The following KIF16B variants were observed in gnomAD, a reference collection of about 807,000 sequenced individuals.
KIF16B encodes the protein kinesin-like protein KIF16B.
Under a neutral mutation model 156.3 loss-of-function variants are expected in KIF16B, and 98 were observed. That is an observed-to-expected ratio of 0.63 (90% CI 0.53 to 0.74). The LOEUF is 0.74. KIF16B is among the 30% of genes least tolerant of loss of function. The probability of loss-of-function intolerance (pLI) is 0.00; values close to 1 mark genes in which losing one functional copy is unlikely to be tolerated. For missense variants in KIF16B, 1,421 were observed against 1,606.5 expected, an observed-to-expected ratio of 0.88 and a Z score of 1.97; for synonymous variants, 564 against 583.7, an observed-to-expected ratio of 0.97 and a Z score of 0.49.
chr20:16,486,074 C>T (rs998299669), intron 12 of KIF16B, among the ~76,000 whole-genome samples: 3 of 151,970 alleles, frequency 2.0e-5, no homozygotes, highest in African/African-American at 4.8e-5. Flanking sequence ...ATTTTAGGCC[C>T]GTTTTGTTAG....
chr20:16,551,783 T>C (rs779622409), intron 1 of KIF16B, among the ~76,000 whole-genome samples: 1 of 152,152 alleles, frequency 6.6e-6, no homozygotes, highest in Non-Finnish European at 1.5e-5. Context: ...AACACAGGCC[T>C]GGCCTCATTT....
intron 12 of KIF16B, among the ~76,000 whole-genome samples, chr20:16,441,227 T>C (rs1226068431): frequency 6.6e-6 from 1 of 152,178 alleles, no homozygotes; most frequent in Non-Finnish European, 1.5e-5. Flanking sequence ...AGTCTGACAT[T>C]GGCCTTACAC....
intron 22 of KIF16B, among the ~76,000 whole-genome samples, chr20:16,360,598 A>T (rs2064533079): frequency 6.6e-6 from 1 of 152,260 alleles, no homozygotes; most frequent in African/African-American, 2.4e-5. Context: ...TAAAAAGTCA[A>T]GAAAAAGTAG....
At chr20:16,314,306 T>A (rs1487590448) in intron 24 of KIF16B, among the ~76,000 whole-genome samples, 2 of 152,222 alleles carry the variant, frequency 1.3e-5, no homozygotes, top group African/African-American at 4.8e-5. Context: ...TAATTCTCCC[T>A]TTTCACTCTC....
chr20:16,334,964 C>G (rs1384753818), intron 24 of KIF16B, among the ~76,000 whole-genome samples: 1 of 152,120 alleles, frequency 6.6e-6, no homozygotes, highest in Non-Finnish European at 1.5e-5. Context: ...CTTCTATACA[C>G]CAGGGAACTA....
intron 17 of KIF16B, among the ~76,000 whole-genome samples, chr20:16,403,327 G>A (rs2065702615): frequency 6.6e-6 from 1 of 152,112 alleles, no homozygotes; most frequent in South Asian, 2.1e-4. Context: ...TTCCATCTTG[G>A]TCACAATAAA....
intron 25 of KIF16B, among the ~76,000 whole-genome samples, chr20:16,301,802 A>T (rs112433072): frequency 0.017 from 2,550 of 152,124 alleles, 50 homozygotes; most frequent in African/African-American, 0.043. Flanking sequence ...GGCATGCACC[A>T]CTACACCCGG....
intron 1 of KIF16B, among the ~76,000 whole-genome samples, chr20:16,533,331 G>C (rs765904097): frequency 2.0e-5 from 3 of 152,168 alleles, no homozygotes; most frequent in Non-Finnish European, 4.4e-5. Flanking sequence ...CTCCAGGGAA[G>C]CTTGACAGAA....
chr20:16,476,180 A>G (rs1335563601), intron 12 of KIF16B, among the ~76,000 whole-genome samples: 1 of 152,232 alleles, frequency 6.6e-6, no homozygotes, highest in Non-Finnish European at 1.5e-5. Flanking sequence ...ACTAAAACGC[A>G]GTCTGTAGAA....
intron 15 of KIF16B, among the ~76,000 whole-genome samples, chr20:16,420,027 G>A (rs1012904): frequency 0.48 from 72,827 of 151,888 alleles, 18,189 homozygotes; most frequent in East Asian, 0.76. Flanking sequence ...GAATCACAGT[G>A]TGGAATGAGG....
intron 17 of KIF16B, among the ~76,000 whole-genome samples, chr20:16,392,033 G>C (rs992254969): frequency 5.9e-5 from 9 of 152,200 alleles, no homozygotes; most frequent in Non-Finnish European, 1.2e-4. Context: ...TTTGCCGTAA[G>C]AAATAACTTT....
At chr20:16,367,742 C>T (rs758160674) in intron 22 of KIF16B, 1 of 1,612,460 alleles carries the variant, frequency 6.2e-7, no homozygotes, top group Non-Finnish European at 8.5e-7. Context: ...GAAAGCTGAA[C>T]CAGATCTTGC....
chr20:16,361,025 T>C (rs575920954), intron 22 of KIF16B, among the ~76,000 whole-genome samples: 3 of 152,350 alleles, frequency 2.0e-5, no homozygotes, highest in African/African-American at 7.2e-5. Context: ...TGACAAGGTC[T>C]GGCCTAAGGA....
At chr20:16,322,501 C>T (rs1343733286) in intron 24 of KIF16B, among the ~76,000 whole-genome samples, 1 of 151,884 alleles carries the variant, frequency 6.6e-6, no homozygotes, top group Non-Finnish European at 1.5e-5. Flanking sequence ...ATTATGAAAG[C>T]GTTGAGTATC....
intron 10 of KIF16B, among the ~76,000 whole-genome samples, chr20:16,498,801 T>C (rs1003476786): frequency 1.3e-5 from 2 of 152,020 alleles, no homozygotes; most frequent in African/African-American, 2.4e-5. Flanking sequence ...TCTATACGTA[T>C]GGTTTTTATT....
intron 19 of KIF16B, 25 bp from the exon 20 acceptor site, chr20:16,374,434 T>A: frequency 6.7e-7 from 1 of 1,492,352 alleles, no homozygotes; most frequent in Non-Finnish European, 9.0e-7. Flanking sequence ...GCCACATAAT[T>A]CATTCATTAA....
At chr20:16,371,790 T>C in intron 20 of KIF16B, 29 bp from the exon 21 acceptor site, 1 of 1,471,492 alleles carries the variant, frequency 6.8e-7, no homozygotes, top group South Asian at 1.1e-5. Flanking sequence ...GGAGTAGATC[T>C]GACACTTCTA....
chr20:16,465,997 G>C lies in KIF16B; in HGVS notation c.1302+28294C>G, dbSNP rs543254326. 3.2e-4 allele frequency among the ~76,000 whole-genome samples: 48 copies of C among 152,204 alleles called. No individual in the cohort carries two copies. In the South Asian group the frequency reaches 8.5e-3, roughly 27 times the overall value. On this transcript the variant is annotated intron_variant, in intron 12 of 25. Transcript: ENST00000354981. ...ATGCAATAGTGATCCAAATACAAAG[G>C]GTGATGTCTAACCACCACAGATTTT...
chr20:16,494,090 C>A (rs1357611366), intron 12 of KIF16B, among the ~76,000 whole-genome samples: 2 of 152,068 alleles, frequency 1.3e-5, no homozygotes, highest in Non-Finnish European at 2.9e-5. Context: ...TTAAAACACA[C>A]AGCTATAATA....
Sources: allele counts gnomAD v4.1 joint callset (sites outside exome capture counted in the v4.1 genomes callset), GRCh38; gene constraint gnomAD v4.1.1; transcripts MANE v1.5; gene names NCBI Gene and HGNC (gene_info 2026-07-23, HGNC 2026-07-21).